The following ATP2C2 variants were observed in gnomAD, a reference collection of about 807,000 sequenced individuals.
ATP2C2 encodes calcium-transporting ATPase type 2C member 2.
Under a neutral mutation model 110.8 loss-of-function variants are expected in ATP2C2, and 171 were observed. The ratio of observed to expected loss-of-function variants is 1.54; its 90% CI spans 1.36 to 1.75. The LOEUF (loss-of-function observed/expected upper bound fraction) is 1.75. Among genes scored for constraint, ATP2C2 ranks in the 40% most tolerant of loss-of-function variants. ATP2C2 has a pLI of 0.00. For missense variants in ATP2C2, 1,963 were observed against 1,235.0 expected (o/e 1.59, Z -8.84); for synonymous variants, 804 against 508.4 (o/e 1.58, Z -7.82).
chr16:84,425,673 C>G (rs560446218), intron 10 of ATP2C2, 62 bp from the exon 11 acceptor site: 7 of 1,554,564 alleles, frequency 4.5e-6, no homozygotes, highest in South Asian at 4.5e-5. Context: ...GAGTTTGAAT[C>G]CCTCCAGGCA....
intron 8 of ATP2C2, 27 bp downstream of exon 8, chr16:84,422,566 G>C: frequency 6.2e-7 from 1 of 1,612,352 alleles, no homozygotes; most frequent in Non-Finnish European, 8.5e-7. Flanking sequence ...CGAGGCCTTG[G>C]GCTCCCGTAA....
intron 1 of ATP2C2, among the ~76,000 whole-genome samples, chr16:84,374,774 A>G (rs1427550033): frequency 3.3e-5 from 5 of 152,174 alleles, no homozygotes; most frequent in Non-Finnish European, 1.5e-5. Flanking sequence ...GGCAGCTGCT[A>G]TATCTTCAAG....
chr16:84,440,820 C>A (rs1172177239), intron 13 of ATP2C2, 37 bp from the exon 14 acceptor site: 1 of 1,539,760 alleles, frequency 6.5e-7, no homozygotes, highest in Non-Finnish European at 8.9e-7. Context: ...ATGTTTTTGA[C>A]TCTTGGCGAA....
intron 1 of ATP2C2, among the ~76,000 whole-genome samples, chr16:84,377,275 C>T (rs978695782): frequency 2.0e-5 from 3 of 152,142 alleles, no homozygotes; most frequent in African/African-American, 4.8e-5. Flanking sequence ...ATATGGTAAG[C>T]GGGAGCTGGT....
intron 1 of ATP2C2, among the ~76,000 whole-genome samples, chr16:84,372,107 C>A (rs1288362308): frequency 6.6e-6 from 1 of 152,140 alleles, no homozygotes. Flanking sequence ...GATGAGGCTG[C>A]AGAGGAGGGT....
intron 1 of ATP2C2, among the ~76,000 whole-genome samples, chr16:84,394,336 T>C (rs1387421538): frequency 2.6e-5 from 4 of 152,244 alleles, no homozygotes; most frequent in Non-Finnish European, 5.9e-5. Flanking sequence ...AAAGAAACCC[T>C]GTACCCATTA....
In ATP2C2 at chr16:84,453,206, A is replaced by C; in HGVS notation, c.1900A>C (p.Lys634Gln). Reference sequence around the variant, plus strand: ...CGGGGAGGAGGTGGACAGCGTGGAGAAGGGCGAGCTGGCCGACCGCGTGGG... The same window carrying C: ...CGGGGAGGAGGTGGACAGCGTGGAGCAGGGCGAGCTGGCCGACCGCGTGGG... ...MSGEEVDSVE[K>Q]GELADRVGKV... is the part of the protein sequence containing the mutation. The change falls in exon 19 of 27, where the codon AAG becomes CAG. Residue 634 changes from lysine (K) to glutamine (Q), a missense_variant. Transcript: ENST00000262429. 1 of 1,613,706 alleles carries C rather than the reference A, an allele frequency of 6.2e-7. No individual in the cohort carries two copies. Among genetic ancestry groups the C allele is most frequent in the Non-Finnish European group, 8.5e-7 (1 of 1,179,730 alleles).
chr16:84,461,681 G>C (rs375230852), intron 24 of ATP2C2, 33 bp from the exon 25 acceptor site: 1 of 1,590,162 alleles, frequency 6.3e-7, no homozygotes, highest in Non-Finnish European at 8.6e-7. Context: ...GTCTCTTCCC[G>C]CCTAACCTCT....
rs62048824 is a variant in ATP2C2 at position 84,396,362 on chromosome 16, C to A, written c.100-2137C>A. ...GAAATTTGAGACCAGCCTGGCCAAC[C>A]TGGTGAAAACCCGTCTCTACTAAAA... On this transcript the variant is annotated intron_variant, in intron 1 of 26. Transcript: ENST00000262429. Among the ~76,000 whole-genome samples, 732 of 151,204 alleles carry A rather than the reference C, an allele frequency of 4.8e-3. 9 individuals are homozygous for A. The highest frequency in any genetic ancestry group is 0.017 in the African/African-American group (693 of 40,814).
At chr16:84,409,392 A>T (rs992291637) in intron 4 of ATP2C2, among the ~76,000 whole-genome samples, 2 of 152,216 alleles carry the variant, frequency 1.3e-5, no homozygotes, top group Non-Finnish European at 2.9e-5. Flanking sequence ...TGGCATATGT[A>T]TACCTATGTA....
At chr16:84,452,178 A>G in intron 18 of ATP2C2, 87 bp downstream of exon 18, 1 of 1,539,028 alleles carries the variant, frequency 6.5e-7, no homozygotes, top group Non-Finnish European at 8.8e-7. Flanking sequence ...AGCCTCCGCA[A>G]ACTCGGTCAG....
chr16:84,405,378 T>G, intron 3 of ATP2C2, 134 bp downstream of exon 3: 1 of 726,206 alleles, frequency 1.4e-6, no homozygotes, highest in South Asian at 1.8e-5. Context: ...CCAGCCAGCC[T>G]GAGCATCAGT....
At position 84,442,585 on chromosome 16, in the gene ATP2C2, G is replaced by C; in HGVS notation, c.1387G>C (p.Ala463Pro). Residue 463 changes from alanine to proline, a missense_variant, in exon 15 of 27, where the codon GCC (alanine) becomes CCC (proline). Ala to Pro is a conservative substitution (Grantham distance 27). Transcript: ENST00000262429. ...MGQPTEGALM[A>P]LAMKMDLSDI... The stretch of plus-strand genomic sequence containing the variant: ...GCAGCCCACCGAGGGTGCATTGATG[G>C]CCCTGGCGATGAAGGTAGGAGGTCC... The C allele has an allele frequency of 6.2e-7, 1 of 1,614,058 alleles. No homozygotes were observed. Among genetic ancestry groups the C allele is most frequent in the South Asian group, 1.1e-5 (1 of 91,080 alleles).
At chr16:84,381,618 A>G (rs570225571) in intron 1 of ATP2C2, among the ~76,000 whole-genome samples, 345 of 152,198 alleles carry the variant, frequency 2.3e-3, no homozygotes, top group African/African-American at 7.8e-3. Context: ...ATACAACTAC[A>G]TAAGTGTCTT....
At chr16:84,458,934 G>T (rs1375478208) in intron 21 of ATP2C2, among the ~76,000 whole-genome samples, 186 bp from the exon 22 acceptor site, 1 of 152,136 alleles carries the variant, frequency 6.6e-6, no homozygotes. Flanking sequence ...GTGGCCGAGG[G>T]GCACCTGTTA....
intron 13 of ATP2C2, among the ~76,000 whole-genome samples, chr16:84,439,975 C>T (rs1235947271): frequency 4.6e-5 from 7 of 152,192 alleles, no homozygotes; most frequent in African/African-American, 1.7e-4. Context: ...GCTGGGACTA[C>T]AGGCATGCCC....
chr16:84,430,362 C>T lies in ATP2C2; in HGVS notation c.986+4561C>T, dbSNP rs548703644. Among the ~76,000 whole-genome samples, 13 of 152,194 alleles carry T rather than the reference C, an allele frequency of 8.5e-5. No individual in the cohort carries two copies. In the South Asian group the frequency reaches 1.9e-3, roughly 22 times the overall value. ...GGACAGAGTAAAGTCAGTTCTGGGC[C>T]GGGTGCGGTGGCTCACGTCTGTAAT... On this transcript the variant is annotated intron_variant, in intron 11 of 26. Coordinates refer to ENST00000262429, the MANE Select transcript of ATP2C2 (RefSeq NM_014861.4).
chr16:84,438,836 C>G (rs1172784317), intron 11 of ATP2C2, among the ~76,000 whole-genome samples: 1 of 152,306 alleles, frequency 6.6e-6, no homozygotes, highest in Non-Finnish European at 1.5e-5. Flanking sequence ...TTTTATGGAA[C>G]CCAAAGCCTT....
rs749417495 is a variant in ATP2C2 at position 84,459,145 on chromosome 16, A to AT, written c.2179dup (p.Tyr727LeufsTer59). 5.0e-6 allele frequency: 8 copies of AT among 1,614,028 alleles called. No homozygotes were observed. Among genetic ancestry groups the AT allele is most frequent in the East Asian group, 4.5e-5 (2 of 44,892 alleles). ...GAATGCAGTGGAGGAAGGCAAGGGT[A>AT]TTTTTTACAACATCAAAAACTTTGT... On this transcript the variant is annotated frameshift_variant, in exon 22 of 27. Transcript: ENST00000262429. LOFTEE classifies it high-confidence loss of function.
Sources: gnomAD v4.1 joint callset for allele counts (sites outside exome capture counted in the v4.1 genomes callset) on GRCh38, gnomAD v4.1.1 for gene constraint, MANE v1.5 for transcripts, NCBI Gene and HGNC (gene_info 2026-07-23, HGNC 2026-07-21) for gene names.